CENPW: variants seen among roughly 807,000 people sequenced by gnomAD.
CENPW encodes the protein cancer-up-regulated gene 2 protein.
CENPW carries 3 observed loss-of-function variants against 11.1 expected under a neutral mutation model. That is an observed-to-expected ratio of 0.27 (90% confidence interval 0.12 to 0.70). The LOEUF (loss-of-function observed/expected upper bound fraction) is 0.70. CENPW is among the 30% of genes least tolerant of loss of function. CENPW has a pLI of 0.77. For missense variants in CENPW, 100 were observed against 105.6 expected, an observed-to-expected ratio of 0.95 and a Z score of 0.23; for synonymous variants, 38 against 42.0, an observed-to-expected ratio of 0.91 and a Z score of 0.37.
chr6:126,422,026 A>G, the CENPW span, among the ~76,000 whole-genome samples: 5 of 152,142 alleles, frequency 3.3e-5, no homozygotes, highest in Non-Finnish European at 5.9e-5. Context: ...ATATTTGAAA[A>G]GCAAATCTGT....
At chr6:126,482,365 G>A in the CENPW span, among the ~76,000 whole-genome samples, 1 of 151,836 alleles carries the variant, frequency 6.6e-6, no homozygotes, top group Non-Finnish European at 1.5e-5. Context: ...TTGTCAGATA[G>A]ATATAATAAA....
At chr6:126,482,909 T>C in the CENPW span, among the ~76,000 whole-genome samples, 2 of 152,056 alleles carry the variant, frequency 1.3e-5, no homozygotes, top group African/African-American at 4.8e-5. Flanking sequence ...TGGATAGAGA[T>C]TATGTTGATT....
the CENPW span, among the ~76,000 whole-genome samples, chr6:126,393,259 G>A: frequency 6.6e-6 from 1 of 151,202 alleles, no homozygotes; most frequent in South Asian, 2.1e-4. Context: ...TTGATTATTT[G>A]CATTTTTTTG....
the CENPW span, among the ~76,000 whole-genome samples, chr6:126,433,607 T>C: frequency 6.6e-6 from 1 of 152,138 alleles, no homozygotes; most frequent in African/African-American, 2.4e-5. Flanking sequence ...AGGATTCTTT[T>C]AGAAATAAGA....
the CENPW span, among the ~76,000 whole-genome samples, chr6:126,436,827 T>C: frequency 2.0e-5 from 3 of 151,962 alleles, no homozygotes; most frequent in Non-Finnish European, 4.4e-5. Flanking sequence ...ATATGCCATC[T>C]GATTTCTTTG....
the CENPW span, among the ~76,000 whole-genome samples, chr6:126,381,430 T>G: frequency 6.6e-6 from 1 of 152,158 alleles, no homozygotes; most frequent in East Asian, 1.9e-4. Flanking sequence ...AGCACCTACC[T>G]CTGTTACTCA....
At chr6:126,382,761 A>C in the CENPW span, among the ~76,000 whole-genome samples, 1 of 152,188 alleles carries the variant, frequency 6.6e-6, no homozygotes, top group Non-Finnish European at 1.5e-5. Context: ...TAATGAATGA[A>C]ACCTCCAAGA....
At chr6:126,362,140 A>G in the CENPW span, among the ~76,000 whole-genome samples, 2 of 152,200 alleles carry the variant, frequency 1.3e-5, no homozygotes, top group Admixed American at 1.3e-4. Flanking sequence ...CCAGTCCTGC[A>G]GGAAAGCCAG....
chr6:126,405,557 G>C, the CENPW span, among the ~76,000 whole-genome samples: 5 of 151,794 alleles, frequency 3.3e-5, no homozygotes, highest in Admixed American at 2.0e-4. Context: ...TTGATATTTT[G>C]ATAGAGATTG....
At chr6:126,413,157 T>G in the CENPW span, among the ~76,000 whole-genome samples, 48 of 152,138 alleles carry the variant, frequency 3.2e-4, no homozygotes, top group Admixed American at 2.9e-3. Flanking sequence ...GATAACAAAA[T>G]CTATATTGTA....
rs1309353398 is a variant in CENPW at position 126,346,209 on chromosome 6, A to G, written c.131A>G (p.His44Arg). Residue 44 changes from histidine (H) to arginine (R), a missense_variant, in exon 2 of 3, where the codon CAT becomes CGT. Coordinates refer to ENST00000368328, the MANE Select transcript of CENPW (RefSeq NM_001012507.4). ...CTTGGATTTTCTGTTTTAAAGGTCC[A>G]TCTGAACTGTTTACTGTTTGTTCAT... ...RLEKSGDLLV[H>R]LNCLLFVHRL... 5.7e-6 allele frequency: 9 copies of G among 1,583,382 alleles called. No homozygotes were observed. Among genetic ancestry groups the G allele is most frequent in the Non-Finnish European group, 7.8e-6 (9 of 1,158,538 alleles).
chr6:126,479,918 G>A, the CENPW span, among the ~76,000 whole-genome samples: 1 of 151,500 alleles, frequency 6.6e-6, no homozygotes, highest in African/African-American at 2.4e-5. Context: ...TTTTCCCAAT[G>A]CTTTTCCTAA....
At chr6:126,448,972 G>C in the CENPW span, among the ~76,000 whole-genome samples, 1 of 151,018 alleles carries the variant, frequency 6.6e-6, no homozygotes, top group Non-Finnish European at 1.5e-5. Flanking sequence ...AAGCTCTGCT[G>C]TTTGCCATGT....
chr6:126,412,724 C>T, the CENPW span, among the ~76,000 whole-genome samples: 1 of 152,204 alleles, frequency 6.6e-6, no homozygotes, highest in Non-Finnish European at 1.5e-5. Flanking sequence ...ACATTTCCCA[C>T]ACATTTTTTG....
chr6:126,428,267 G>A, the CENPW span, among the ~76,000 whole-genome samples: 3 of 152,172 alleles, frequency 2.0e-5, no homozygotes, highest in South Asian at 6.2e-4. Flanking sequence ...TAAACTACAG[G>A]ACTTCTTAAA....
chr6:126,474,939 A>G, the CENPW span, among the ~76,000 whole-genome samples: 1 of 152,138 alleles, frequency 6.6e-6, no homozygotes, highest in African/African-American at 2.4e-5. Flanking sequence ...TGCTATGAAA[A>G]GAAAGGTTGT....
chr6:126,347,919 A>C lies in CENPW; in HGVS notation c.241-547A>C, dbSNP rs141357321. 8.4e-4 allele frequency among the ~76,000 whole-genome samples: 127 copies of C among 152,036 alleles called. 2 individuals carry two copies. The East Asian group carries it at 0.021, about 25-fold the overall frequency. On this transcript the variant is annotated intron_variant, in intron 2 of 2. Transcript: ENST00000368328. ...CAGACTATTATTTTGAAAATAATCT[A>C]CTTAACAGGTTGTTCAGCATAAGAT...
At chr6:126,381,604 C>G in the CENPW span, among the ~76,000 whole-genome samples, 3 of 152,168 alleles carry the variant, frequency 2.0e-5, no homozygotes, top group Non-Finnish European at 4.4e-5. Flanking sequence ...CACCTGGAGC[C>G]TGTCATCTCA....
At chr6:126,390,663 A>G in the CENPW span, among the ~76,000 whole-genome samples, 1 of 151,764 alleles carries the variant, frequency 6.6e-6, no homozygotes, top group Non-Finnish European at 1.5e-5. Context: ...ACTTCCAACC[A>G]TCTCCATGAG....
Sources: allele counts gnomAD v4.1 joint callset (sites outside exome capture counted in the v4.1 genomes callset), GRCh38; gene constraint gnomAD v4.1.1; transcripts MANE v1.5; gene names NCBI Gene and HGNC (gene_info 2026-07-23, HGNC 2026-07-21).